Variants in TAFA1 observed in about 807,000 individuals in gnomAD.
The protein encoded by TAFA1 is TAFA chemokine like family member 1, also known as chemokine-like protein TAFA-1.
A neutral mutation model predicts 18.5 loss-of-function variants in TAFA1; 4 were observed. The ratio of observed to expected loss-of-function variants is 0.22; its 90% CI spans 0.11 to 0.49. The LOEUF is 0.49. Ranked by LOEUF, TAFA1 falls within the 20% of genes least tolerant of loss-of-function variation. The probability of loss-of-function intolerance (pLI) is 0.98; values close to 1 mark genes in which losing one functional copy is unlikely to be tolerated. For synonymous variants in TAFA1, 56 were observed against 55.2 expected, an observed-to-expected ratio of 1.01 and a Z score of -0.06; for missense variants, 147 against 169.0, an observed-to-expected ratio of 0.87 and a Z score of 0.72.
intron 3 of TAFA1, among the ~76,000 whole-genome samples, chr3:68,520,266 C>T (rs1326849074): frequency 1.3e-5 from 2 of 152,166 alleles, no homozygotes; most frequent in African/African-American, 2.4e-5. Context: ...GTCCCTGTGG[C>T]TCGGGCTCAA....
intron 2 of TAFA1, among the ~76,000 whole-genome samples, chr3:68,189,264 A>C (rs918555085): frequency 6.6e-6 from 1 of 151,940 alleles, no homozygotes; most frequent in Admixed American, 6.6e-5. Flanking sequence ...GGCTGTTTCC[A>C]TTCAGTAGAC....
intron 3 of TAFA1, among the ~76,000 whole-genome samples, chr3:68,510,950 A>T (rs1432909467): frequency 6.6e-6 from 1 of 152,192 alleles, no homozygotes. Flanking sequence ...CCAGCTCATT[A>T]CATTCCTAAA....
At chr3:68,016,330 T>A (rs367964469) in intron 2 of TAFA1, among the ~76,000 whole-genome samples, 2 of 152,192 alleles carry the variant, frequency 1.3e-5, no homozygotes, top group African/African-American at 4.8e-5. Flanking sequence ...AATACCATAT[T>A]TTTACCGTAC....
At chr3:68,092,145 G>A (rs1440819092) in intron 2 of TAFA1, among the ~76,000 whole-genome samples, 2 of 152,084 alleles carry the variant, frequency 1.3e-5, no homozygotes, top group Non-Finnish European at 2.9e-5. Context: ...CCTCATTGCA[G>A]CAAGTGAATA....
intron 2 of TAFA1, among the ~76,000 whole-genome samples, chr3:68,374,438 C>A (rs1369729291): frequency 6.6e-6 from 1 of 152,096 alleles, no homozygotes; most frequent in East Asian, 1.9e-4. Context: ...GTACTGTTAT[C>A]TATATATACT....
intron 3 of TAFA1, among the ~76,000 whole-genome samples, chr3:68,456,521 A>G (rs1409421281): frequency 6.6e-6 from 1 of 151,990 alleles, no homozygotes; most frequent in Non-Finnish European, 1.5e-5. Context: ...TTTAAGCCAA[A>G]CCTCTTTTTA....
At chr3:68,311,974 A>G (rs2068527945) in intron 2 of TAFA1, among the ~76,000 whole-genome samples, 1 of 152,198 alleles carries the variant, frequency 6.6e-6, no homozygotes, top group African/African-American at 2.4e-5. Context: ...TGAAATGTAG[A>G]TGGAGGTTCC....
At chr3:68,506,472 G>GACACACACACAC (rs55813351) in intron 3 of TAFA1, among the ~76,000 whole-genome samples, 1,575 of 150,838 alleles carry the variant, frequency 0.01, 25 homozygotes, top group African/African-American at 0.034. Flanking sequence ...CACACACAGA[G>GACACACACACAC]ACACACACAC....
chr3:68,238,168 C>T (rs914978419), intron 2 of TAFA1, among the ~76,000 whole-genome samples: 1 of 152,046 alleles, frequency 6.6e-6, no homozygotes, highest in Admixed American at 6.5e-5. Context: ...TAGTTCACAC[C>T]CGTTGAGACA....
At chr3:68,491,240 G>A (rs926046052) in intron 3 of TAFA1, among the ~76,000 whole-genome samples, 4 of 152,010 alleles carry the variant, frequency 2.6e-5, no homozygotes, top group East Asian at 1.9e-4. Context: ...ACATGCACAC[G>A]TATGTTTATT....
intron 2 of TAFA1, among the ~76,000 whole-genome samples, chr3:68,310,224 C>T (rs2068491418): frequency 6.6e-6 from 1 of 151,994 alleles, no homozygotes; most frequent in South Asian, 2.1e-4. Flanking sequence ...AATAACCAAA[C>T]CATAGACTTC....
intron 2 of TAFA1, among the ~76,000 whole-genome samples, chr3:68,262,476 G>A (rs1415687788): frequency 6.6e-6 from 1 of 150,500 alleles, no homozygotes; most frequent in African/African-American, 2.4e-5. Flanking sequence ...TTGTTCCTAT[G>A]TTTATATCCA....
chr3:68,011,830 C>A (rs531105928), intron 2 of TAFA1, among the ~76,000 whole-genome samples: 2 of 152,262 alleles, frequency 1.3e-5, no homozygotes, highest in East Asian at 3.9e-4. Context: ...CAGGGTGCAG[C>A]TATTGATATT....
chr3:68,375,218 G>A (rs262200), intron 2 of TAFA1, among the ~76,000 whole-genome samples: 71,437 of 151,826 alleles, frequency 0.47, 17,636 homozygotes, highest in East Asian at 0.77. Flanking sequence ...TCAAAGGCAA[G>A]AGCTTGCTTT....
intron 2 of TAFA1, among the ~76,000 whole-genome samples, chr3:68,197,909 T>C (rs545672478): frequency 4.0e-5 from 6 of 151,840 alleles, no homozygotes; most frequent in Admixed American, 1.3e-4. Flanking sequence ...TAGTTAAATA[T>C]AATGTAACTC....
At chr3:68,338,490 A>G (rs1054420456) in intron 2 of TAFA1, among the ~76,000 whole-genome samples, 3 of 152,146 alleles carry the variant, frequency 2.0e-5, no homozygotes, top group South Asian at 2.1e-4. Context: ...TCATTTTTTG[A>G]GCTTTTATTA....
chr3:68,082,280 G>A (rs370050686), intron 2 of TAFA1, among the ~76,000 whole-genome samples: 4 of 152,152 alleles, frequency 2.6e-5, no homozygotes, highest in East Asian at 1.9e-4. Context: ...CTTGTGCGTC[G>A]CTCACGCTGG....
At chr3:68,287,774 C>A (rs2068035681) in intron 2 of TAFA1, among the ~76,000 whole-genome samples, 1 of 152,090 alleles carries the variant, frequency 6.6e-6, no homozygotes, top group Admixed American at 6.5e-5. Flanking sequence ...ATCCTTCCGT[C>A]CGTGACGCCC....
chr3:68,439,240 T>C (rs1366883359), intron 3 of TAFA1, among the ~76,000 whole-genome samples: 1 of 151,392 alleles, frequency 6.6e-6, no homozygotes, highest in Admixed American at 6.6e-5. Context: ...ATTATTCTTT[T>C]CCTCCCAAAT....
Sources: gnomAD v4.1 joint callset for allele counts (sites outside exome capture counted in the v4.1 genomes callset) on GRCh38, gnomAD v4.1.1 for gene constraint, MANE v1.5 for transcripts, NCBI Gene and HGNC (gene_info 2026-07-23, HGNC 2026-07-21) for gene names.